The following EXOC6B variants were observed in gnomAD, a reference collection of about 807,000 sequenced individuals.
The protein encoded by EXOC6B is SEC15 homolog B.
In EXOC6B, 54 loss-of-function variants were observed where a neutral mutation model predicts 113.5. The observed-to-expected ratio is 0.48, with a 90% confidence interval of 0.38 to 0.60. EXOC6B has a LOEUF of 0.60. Among genes scored for constraint, EXOC6B ranks in the 20% least tolerant of loss-of-function variants. The probability of loss-of-function intolerance (pLI) is 0.00; values close to 1 mark genes in which losing one functional copy is unlikely to be tolerated. For missense variants in EXOC6B, 797 were observed against 977.5 expected, an observed-to-expected ratio of 0.82 and a Z score of 2.46; for synonymous variants, 357 against 339.0, an observed-to-expected ratio of 1.05 and a Z score of -0.58.
chr2:72,353,532 C>T (rs762890113), intron 19 of EXOC6B, among the ~76,000 whole-genome samples: 16 of 151,880 alleles, frequency 1.1e-4, no homozygotes, highest in African/African-American at 2.9e-4. Context: ...CCACCATGCC[C>T]GGCTACTTTT....
chr2:72,208,026 T>C (rs1377319079), intron 20 of EXOC6B, among the ~76,000 whole-genome samples: 1 of 152,132 alleles, frequency 6.6e-6, no homozygotes, highest in Non-Finnish European at 1.5e-5. Flanking sequence ...CTGGGACAAG[T>C]GAGTGATGAT....
intron 20 of EXOC6B, among the ~76,000 whole-genome samples, chr2:72,285,765 T>C (rs1420296998): frequency 6.6e-6 from 1 of 151,820 alleles, no homozygotes; most frequent in Non-Finnish European, 1.5e-5. Context: ...ATCCAAAACA[T>C]ACAAAGAATT....
intron 1 of EXOC6B, among the ~76,000 whole-genome samples, chr2:72,797,633 C>T (rs1326208525): frequency 6.6e-6 from 1 of 151,936 alleles, no homozygotes; most frequent in Non-Finnish European, 1.5e-5. Flanking sequence ...GGCCAACATG[C>T]CAAAACCCCA....
At chr2:72,613,944 T>A (rs1671233837) in intron 6 of EXOC6B, among the ~76,000 whole-genome samples, 2 of 152,186 alleles carry the variant, frequency 1.3e-5, no homozygotes, top group South Asian at 4.1e-4. Flanking sequence ...AATTCAAATT[T>A]CAGTGTATAA....
intron 20 of EXOC6B, among the ~76,000 whole-genome samples, chr2:72,294,934 C>G (rs1267978039): frequency 2.0e-5 from 3 of 151,850 alleles, no homozygotes; most frequent in Admixed American, 2.0e-4. Flanking sequence ...AAAAATATGT[C>G]TCTCAAAAAT....
chr2:72,472,888 A>G (rs542748019), intron 17 of EXOC6B, among the ~76,000 whole-genome samples: 1 of 152,146 alleles, frequency 6.6e-6, no homozygotes, highest in Admixed American at 6.5e-5. Context: ...TTTCCATTTC[A>G]TTTGTTCCAA....
At chr2:72,783,063 G>A (rs139340724) in intron 1 of EXOC6B, among the ~76,000 whole-genome samples, 1 of 152,202 alleles carries the variant, frequency 6.6e-6, no homozygotes, top group African/African-American at 2.4e-5. Flanking sequence ...TGGATCACAT[G>A]ATAGTTCTAT....
chr2:72,472,772 G>T (rs1462670539), intron 17 of EXOC6B, among the ~76,000 whole-genome samples: 1 of 152,044 alleles, frequency 6.6e-6, no homozygotes, highest in East Asian at 1.9e-4. Context: ...TATATTGTTA[G>T]ATTGTTTATT....
chr2:72,300,045 A>C (rs7584538), intron 20 of EXOC6B, among the ~76,000 whole-genome samples: 11,541 of 152,214 alleles, frequency 0.076, 525 homozygotes, highest in Non-Finnish European at 0.11. Flanking sequence ...CAGAGCTCAA[A>C]TGCTGTGCTT....
At chr2:72,187,140 G>A (rs1198808633) in intron 20 of EXOC6B, among the ~76,000 whole-genome samples, 1 of 152,122 alleles carries the variant, frequency 6.6e-6, no homozygotes, top group African/African-American at 2.4e-5. Flanking sequence ...GCTGGACCAG[G>A]TGCACTGCAT....
rs1054865349 is a variant in EXOC6B at position 72,683,840 on chromosome 2, C to T, written c.669+34263G>A. On this transcript the variant is annotated intron_variant, in intron 6 of 21. Coordinates refer to ENST00000272427, the MANE Select transcript of EXOC6B (RefSeq NM_015189.3). ...TCCTCTGTCATTTAGTTTATCATTC[C>T]ACCTTTTTTTCTTTGTGCTTTCTTC... Among the ~76,000 whole-genome samples the T allele has an allele frequency of 5.3e-5, 8 of 152,120 alleles. No homozygotes were observed. In the East Asian group the frequency reaches 1.5e-3, roughly 29 times the overall value.
chr2:72,581,581 C>G (rs1558815737), intron 6 of EXOC6B, among the ~76,000 whole-genome samples: 1 of 151,944 alleles, frequency 6.6e-6, no homozygotes, highest in African/African-American at 2.4e-5. Context: ...GTCACTATAC[C>G]ATCTTTAAAG....
chr2:72,538,192 G>A (rs549968399), intron 8 of EXOC6B, among the ~76,000 whole-genome samples: 59 of 151,966 alleles, frequency 3.9e-4, no homozygotes, highest in Non-Finnish European at 7.8e-4. Flanking sequence ...CAAACTCCTG[G>A]CCTCAAGCAA....
intron 19 of EXOC6B, among the ~76,000 whole-genome samples, chr2:72,341,057 G>A (rs1234622268): frequency 6.6e-6 from 1 of 152,124 alleles, no homozygotes. Context: ...ATTCATCTGA[G>A]TATACTTGTC....
intron 7 of EXOC6B, among the ~76,000 whole-genome samples, chr2:72,570,482 G>A (rs961672582): frequency 1.2e-4 from 19 of 152,104 alleles, no homozygotes; most frequent in Non-Finnish European, 2.6e-4. Flanking sequence ...ATTCCCTCCT[G>A]TTGATTCTAT....
At chr2:72,310,538 C>G (rs1042806480) in intron 20 of EXOC6B, among the ~76,000 whole-genome samples, 1 of 151,924 alleles carries the variant, frequency 6.6e-6, no homozygotes, top group Non-Finnish European at 1.5e-5. Flanking sequence ...ACAGAAGTCT[C>G]TTACCAGTTT....
chr2:72,379,865 C>T lies in EXOC6B; in HGVS notation c.1986G>A (p.Lys662=). 2 of 1,605,522 alleles carry T rather than the reference C, an allele frequency of 1.2e-6. No individual in the cohort carries two copies. The highest frequency in any genetic ancestry group is 1.7e-6 in the Non-Finnish European group (2 of 1,175,570). Reference sequence around the variant, plus strand: ...CTGACATACACGCTGTCTGGGCCACCTTTCCCTGAAACACAAGAGTGTAAA... The same window carrying T: ...CTGACATACACGCTGTCTGGGCCACTTTTCCCTGAAACACAAGAGTGTAAA... The part of the protein sequence containing the change: ...TFAVFTHLPG[K]VAQTACMSAC... The change falls in exon 19 of 22, where the codon AAG becomes AAA. Residue 662 remains lysine (K), a synonymous_variant. Transcript: ENST00000272427.
chr2:72,673,310 A>T (rs1430538562), intron 6 of EXOC6B, among the ~76,000 whole-genome samples: 1 of 152,176 alleles, frequency 6.6e-6, no homozygotes, highest in Non-Finnish European at 1.5e-5. Flanking sequence ...ACTGGTCTAG[A>T]GGGTAGGGTA....
intron 1 of EXOC6B, among the ~76,000 whole-genome samples, chr2:72,782,139 C>CAA (rs374201314): frequency 4.6e-5 from 3 of 65,280 alleles, no homozygotes; most frequent in Admixed American, 1.8e-4. Flanking sequence ...GACTCACTCT[C>CAA]AAAAAAAAAA....
Sources: allele counts gnomAD v4.1 joint callset (sites outside exome capture counted in the v4.1 genomes callset), GRCh38; gene constraint gnomAD v4.1.1; transcripts MANE v1.5; gene names NCBI Gene and HGNC (gene_info 2026-07-23, HGNC 2026-07-21).